The following STOX2 variants were observed in gnomAD, a reference collection of about 807,000 sequenced individuals.
The protein encoded by STOX2 is storkhead-box protein 2.
Under a neutral mutation model 60.9 loss-of-function variants are expected in STOX2, and 28 were observed. That is an observed-to-expected ratio of 0.46 (90% CI 0.34 to 0.63). STOX2 has a LOEUF of 0.63. Ranked by LOEUF, STOX2 falls within the 30% of genes least tolerant of loss-of-function variation. The pLI is 0.01. For missense variants in STOX2, 1,024 were observed against 1,187.7 expected (o/e 0.86, Z 2.03); for synonymous variants, 472 against 463.9 (o/e 1.02, Z -0.22).
chr4:184,016,522 A>C (rs577568302), intron 3 of STOX2: 1 of 152,358 alleles, frequency 6.6e-6, no homozygotes, highest in African/African-American at 2.4e-5. Flanking sequence ...AAAGTGTTAA[A>C]TTTTGAAACA....
intron 1 of STOX2, among the ~76,000 whole-genome samples, chr4:183,951,490 G>A (rs1185807662): frequency 1.0e-5 from 1 of 98,882 alleles, no homozygotes; most frequent in Non-Finnish European, 1.9e-5. Flanking sequence ...CGTTCTTGTT[G>A]CCCAGGCTGG....
At chr4:183,963,638 C>T (rs966574669) in intron 1 of STOX2, among the ~76,000 whole-genome samples, 3 of 151,248 alleles carry the variant, frequency 2.0e-5, no homozygotes, top group African/African-American at 7.3e-5. Context: ...GTTGGCCAGG[C>T]TGGTTTCGAA....
At chr4:183,990,841 T>TTA (rs1345952564) in intron 1 of STOX2, among the ~76,000 whole-genome samples, 7 of 152,004 alleles carry the variant, frequency 4.6e-5, no homozygotes, top group African/African-American at 1.7e-4. Flanking sequence ...TTTACTTGAA[T>TTA]TATATTGGAC....
chr4:183,860,218 G>A (rs536658929), intron 1 of STOX2, among the ~76,000 whole-genome samples: 1 of 152,072 alleles, frequency 6.6e-6, no homozygotes, highest in East Asian at 1.9e-4. Flanking sequence ...ATAGAACATA[G>A]TGCTTTAAAC....
chr4:183,811,834 C>T (rs1739040019), intron 1 of STOX2, among the ~76,000 whole-genome samples: 1 of 151,980 alleles, frequency 6.6e-6, no homozygotes, highest in Non-Finnish European at 1.5e-5. Context: ...TCAGAAAGCT[C>T]CAAAATTTCT....
chr4:183,929,493 T>TA (rs1396095459), intron 1 of STOX2, among the ~76,000 whole-genome samples: 1 of 152,158 alleles, frequency 6.6e-6, no homozygotes, highest in Non-Finnish European at 1.5e-5. Flanking sequence ...TTTGGGGACA[T>TA]AATTTATAAC....
At chr4:183,939,189 C>G (rs1214820676) in intron 1 of STOX2, among the ~76,000 whole-genome samples, 6 of 152,226 alleles carry the variant, frequency 3.9e-5, no homozygotes, top group Non-Finnish European at 7.3e-5. Flanking sequence ...AAGTAGCACA[C>G]ACTGGGTGGC....
At chr4:184,014,451 G>A (rs1023965234) in intron 3 of STOX2, 5 of 152,002 alleles carry the variant, frequency 3.3e-5, no homozygotes, top group Non-Finnish European at 7.3e-5. Flanking sequence ...TGCTGTAGAC[G>A]CCTGGGGCCA....
chr4:183,813,282 C>A (rs1309332642), intron 1 of STOX2, among the ~76,000 whole-genome samples: 1 of 152,134 alleles, frequency 6.6e-6, no homozygotes, highest in Admixed American at 6.5e-5. Flanking sequence ...ACTTGGGAGG[C>A]TGAGGCAGGA....
At chr4:183,835,122 A>ATT (rs113937383) in intron 1 of STOX2, among the ~76,000 whole-genome samples, 2 of 141,160 alleles carry the variant, frequency 1.4e-5, no homozygotes, top group African/African-American at 2.6e-5. Flanking sequence ...CAAGTTACCT[A>ATT]TTTTTTTTTT....
rs141996594 is a variant in STOX2 at position 184,004,845 on chromosome 4, G to C, written c.319+3368G>C. Among the ~76,000 whole-genome samples the C allele has an allele frequency of 1.8e-4, 28 of 152,286 alleles. 1 individual carries two copies. The East Asian group carries it at 4.0e-3, about 22-fold the overall frequency. On this transcript the variant is annotated intron_variant, in intron 2 of 3. Transcript: ENST00000308497. Reference sequence around the variant, plus strand: ...GAATGATCATTTAAATTGGTGGTCTGGTACCTGTTAAGCTGTTACAACTGA... The same window carrying C: ...GAATGATCATTTAAATTGGTGGTCTCGTACCTGTTAAGCTGTTACAACTGA...
intron 1 of STOX2, among the ~76,000 whole-genome samples, chr4:183,979,800 T>G (rs1732583194): frequency 6.6e-6 from 1 of 152,140 alleles, no homozygotes; most frequent in Non-Finnish European, 1.5e-5. Context: ...AACTGAGAGC[T>G]TATGATTTTT....
intron 1 of STOX2, among the ~76,000 whole-genome samples, chr4:183,810,567 G>A (rs909393817): frequency 4.6e-5 from 7 of 152,196 alleles, no homozygotes; most frequent in Non-Finnish European, 7.3e-5. Context: ...CCCAAAGTTC[G>A]TATCTTGGAA....
At chr4:184,014,287 A>G (rs910273728) in intron 3 of STOX2, 3 of 152,186 alleles carry the variant, frequency 2.0e-5, no homozygotes, top group African/African-American at 4.8e-5. Context: ...AACTTGAACT[A>G]TGCTATGAGA....
intron 1 of STOX2, among the ~76,000 whole-genome samples, chr4:183,816,250 A>T (rs777309896): frequency 2.0e-5 from 3 of 152,238 alleles, no homozygotes; most frequent in Non-Finnish European, 4.4e-5. Flanking sequence ...CGTCAATAGC[A>T]AGGTCATGGA....
intron 1 of STOX2, chr4:183,960,252 C>G (rs1743373794): frequency 6.6e-6 from 1 of 152,150 alleles, no homozygotes; most frequent in Non-Finnish European, 1.5e-5. Flanking sequence ...TGGGTAAGAC[C>G]TAGAGTGAAT....
At chr4:183,913,706 G>A (rs1327888987) in intron 1 of STOX2, among the ~76,000 whole-genome samples, 1 of 152,122 alleles carries the variant, frequency 6.6e-6, no homozygotes, top group Non-Finnish European at 1.5e-5. Context: ...TGGAGGTGGA[G>A]GTTGCAGTGA....
Position 183,814,706 on chromosome 4 carries a change from G to A in STOX2, c.364+16651G>A, listed in dbSNP as rs532104994. On this transcript the variant is annotated intron_variant, in intron 1 of 2. Coordinates refer to the STOX2 transcript ENST00000513034. ...CAGAGCCTGGCACGGTTTACACCAA[G>A]CCAGGGTCTAGTGCCAGCCTGTGGC... 5.3e-4 allele frequency among the ~76,000 whole-genome samples: 80 copies of A among 152,344 alleles called. 2 individuals are homozygous for A. The highest frequency in any genetic ancestry group is 1.7e-3 in the Admixed American group (26 of 15,308).
chr4:183,932,022 G>A (rs1206158910), intron 1 of STOX2, among the ~76,000 whole-genome samples: 2 of 152,166 alleles, frequency 1.3e-5, no homozygotes, highest in Admixed American at 1.3e-4. Flanking sequence ...CGTGGAGCAG[G>A]TGATGATGGT....
Sources: gnomAD v4.1 joint callset for allele counts (sites outside exome capture counted in the v4.1 genomes callset) on GRCh38, gnomAD v4.1.1 for gene constraint, MANE v1.5 for transcripts, NCBI Gene and HGNC (gene_info 2026-07-23, HGNC 2026-07-21) for gene names.